The following ANKS1B variants were observed in gnomAD, a reference collection of about 807,000 sequenced individuals.
The protein encoded by ANKS1B is ankyrin repeat and sterile alpha motif domain containing 1B, also known as ankyrin repeat and sterile alpha motif domain-containing protein 1B.
In ANKS1B, 36 loss-of-function variants were observed where a neutral mutation model predicts 148.3. The ratio of observed to expected loss-of-function variants is 0.24; its 90% CI spans 0.19 to 0.32. The LOEUF is 0.32. Ranked by LOEUF, ANKS1B falls within the 10% of genes least tolerant of loss-of-function variation. The pLI is 1.00. For synonymous variants in ANKS1B, 542 were observed against 560.8 expected, an observed-to-expected ratio of 0.97 and a Z score of 0.47; for missense variants, 1,157 against 1,542.6, an observed-to-expected ratio of 0.75 and a Z score of 4.19.
In ANKS1B at chr12:98,832,074, C is replaced by A. The variant is rs1417199924; in HGVS notation, c.2841G>T (p.Leu947=). Residue 947 remains leucine, a synonymous_variant, in exon 18 of 27, where the codon CTG becomes CTT. Transcript: ENST00000683438. ...GGGGCTTCTGTGGGGGATCGTCGTG[C>A]AGCCTGTCTCCCAGAGATGCCAAAA... ...KRILASLGDR[L]HDDPPQKPPR... The A allele has an allele frequency of 1.3e-6, 2 of 1,598,692 alleles. No individual in the cohort carries two copies. Among genetic ancestry groups the A allele is most frequent in the African/African-American group, 1.3e-5 (1 of 74,712 alleles).
At chr12:99,831,895 G>C (rs2084070633) in intron 1 of ANKS1B, among the ~76,000 whole-genome samples, 1 of 152,008 alleles carries the variant, frequency 6.6e-6, no homozygotes, top group Admixed American at 6.6e-5. Flanking sequence ...CAACAAAATG[G>C]AAAAACAGGA....
At chr12:99,180,626 G>GTTTTTT (rs11415606) in intron 14 of ANKS1B, among the ~76,000 whole-genome samples, 3 of 126,024 alleles carry the variant, frequency 2.4e-5, no homozygotes, top group Non-Finnish European at 3.4e-5. Flanking sequence ...GAGGGAAAGG[G>GTTTTTT]TTTTTTTTTT....
intron 9 of ANKS1B, chr12:99,650,135 T>C (rs1443770314): frequency 6.6e-6 from 1 of 152,222 alleles, no homozygotes; most frequent in Non-Finnish European, 1.5e-5. Flanking sequence ...CTGAAAACTA[T>C]CTTTAACTTT....
At chr12:99,648,361 C>T in intron 9 of ANKS1B, 2 of 1,614,186 alleles carry the variant, frequency 1.2e-6, no homozygotes, top group Non-Finnish European at 8.5e-7. Flanking sequence ...GATTGACGTG[C>T]ACAACCGTGC....
At chr12:99,672,775 T>A (rs1168603550) in intron 8 of ANKS1B, among the ~76,000 whole-genome samples, 2 of 152,206 alleles carry the variant, frequency 1.3e-5, no homozygotes, top group South Asian at 2.1e-4. Flanking sequence ...TAGTTTGTTT[T>A]ACATATTTAT....
At chr12:99,550,151 T>C (rs1365168900) in intron 9 of ANKS1B, among the ~76,000 whole-genome samples, 2 of 152,206 alleles carry the variant, frequency 1.3e-5, no homozygotes, top group African/African-American at 4.8e-5. Context: ...TCTATCTATC[T>C]TGAGTGCTCT....
chr12:99,192,251 A>T (rs2080836777), intron 14 of ANKS1B, among the ~76,000 whole-genome samples: 1 of 152,148 alleles, frequency 6.6e-6, no homozygotes. Context: ...TTATTGTTAA[A>T]AATGATTTGA....
At chr12:99,537,246 A>T (rs1048773650) in intron 9 of ANKS1B, among the ~76,000 whole-genome samples, 6 of 152,304 alleles carry the variant, frequency 3.9e-5, no homozygotes, top group African/African-American at 1.4e-4. Flanking sequence ...TCTCTTCAAC[A>T]TACTGATTTC....
At chr12:99,267,944 G>A (rs2076620410) in intron 12 of ANKS1B, among the ~76,000 whole-genome samples, 1 of 152,140 alleles carries the variant, frequency 6.6e-6, no homozygotes, top group Admixed American at 6.5e-5. Context: ...AGGGAGAATG[G>A]TGAAAAATAA....
At chr12:99,501,508 T>C (rs2096655387) in intron 10 of ANKS1B, among the ~76,000 whole-genome samples, 1 of 152,128 alleles carries the variant, frequency 6.6e-6, no homozygotes, top group Non-Finnish European at 1.5e-5. Context: ...TTAGTAGTAA[T>C]AATTCTTCAG....
intron 8 of ANKS1B, among the ~76,000 whole-genome samples, chr12:99,723,660 C>A: frequency 6.6e-6 from 1 of 152,264 alleles, no homozygotes; most frequent in Middle Eastern, 3.4e-3. Context: ...CTTCATTAAA[C>A]GGGTCCTGCT....
intron 10 of ANKS1B, among the ~76,000 whole-genome samples, chr12:99,472,602 C>G (rs1001922485): frequency 2.0e-5 from 3 of 152,038 alleles, no homozygotes; most frequent in Non-Finnish European, 4.4e-5. Context: ...TTTATTAAAA[C>G]ATATCCTTTG....
rs1334209529 is a variant in ANKS1B, at chr12:99,984,414, G to T, written c.-177C>A. 1 of 551,020 alleles carries T rather than the reference G, an allele frequency of 1.8e-6. No individual in the cohort carries two copies. Among genetic ancestry groups the T allele is most frequent in the African/African-American group, 1.9e-5 (1 of 53,168 alleles). 34.1% of individuals were successfully genotyped at this position (551,020 alleles called of 1,614,324 possible). ...GAGCACGACTCTCTCCTCCTCTTCG[G>T]GGCGCAGCTTTTACAATGGGGATCA... On this transcript the variant is annotated 5_prime_UTR_variant, in exon 1 of 27. Transcript: ENST00000683438.
intron 17 of ANKS1B, among the ~76,000 whole-genome samples, chr12:98,913,932 G>A (rs1189062962): frequency 6.6e-6 from 1 of 152,170 alleles, no homozygotes; most frequent in Admixed American, 6.6e-5. Context: ...CTTCTTAGCA[G>A]TTTTCTTTAT....
chr12:99,929,815 C>T (rs7309908), intron 1 of ANKS1B, among the ~76,000 whole-genome samples: 90,544 of 150,732 alleles, frequency 0.6, 28,320 homozygotes, highest in Middle Eastern at 0.7. Context: ...TGCAGATATG[C>T]GGCATTATTT....
At chr12:99,280,042 C>G (rs2078192350) in intron 12 of ANKS1B, among the ~76,000 whole-genome samples, 1 of 151,844 alleles carries the variant, frequency 6.6e-6, no homozygotes, top group African/African-American at 2.4e-5. Context: ...ATTAAAGGAA[C>G]CAGCAGCTCA....
chr12:99,377,940 T>C (rs2093458598), intron 12 of ANKS1B, among the ~76,000 whole-genome samples: 1 of 152,152 alleles, frequency 6.6e-6, no homozygotes, highest in South Asian at 2.1e-4. Flanking sequence ...TCAGAAAAGG[T>C]AGTACAACTT....
chr12:99,713,459 T>TAAC (rs1011935786), intron 8 of ANKS1B, among the ~76,000 whole-genome samples: 2 of 152,116 alleles, frequency 1.3e-5, no homozygotes, highest in African/African-American at 4.8e-5. Context: ...CATTTTACTA[T>TAAC]AAGAAACAAG....
intron 14 of ANKS1B, among the ~76,000 whole-genome samples, chr12:99,234,106 A>C (rs1032631393): frequency 6.6e-6 from 1 of 152,168 alleles, no homozygotes. Flanking sequence ...GAGCTCTGTT[A>C]GAGCTAGGCA....
Sources: gnomAD v4.1 joint callset for allele counts (sites outside exome capture counted in the v4.1 genomes callset) on GRCh38, gnomAD v4.1.1 for gene constraint, MANE v1.5 for transcripts, NCBI Gene and HGNC (gene_info 2026-07-23, HGNC 2026-07-21) for gene names.